Variants in GPC5 observed in about 807,000 individuals in gnomAD.
GPC5 encodes the protein glypican-5.
GPC5 carries 47 observed loss-of-function variants against 53.9 expected under a neutral mutation model. The ratio of observed to expected loss-of-function variants is 0.87; its 90% CI spans 0.69 to 1.11. GPC5 has a LOEUF of 1.11. Among genes scored for constraint, GPC5 ranks in the 50% most tolerant of loss-of-function variants. The pLI, the probability that GPC5 is intolerant of heterozygous loss-of-function variation, is 0.00. For missense variants in GPC5, 748 were observed against 713.1 expected (o/e 1.05, Z -0.56); for synonymous variants, 286 against 263.3 (o/e 1.09, Z -0.84).
intron 6 of GPC5, among the ~76,000 whole-genome samples, chr13:92,089,125 T>C (rs1344144528): frequency 1.3e-5 from 2 of 152,216 alleles, no homozygotes; most frequent in East Asian, 3.9e-4. Flanking sequence ...GCTATTGTTC[T>C]CAGTTTGGCA....
chr13:91,972,961 C>T (rs940197034), intron 6 of GPC5, among the ~76,000 whole-genome samples: 26 of 152,216 alleles, frequency 1.7e-4, no homozygotes, highest in East Asian at 3.9e-4. Context: ...TTGCTCTTCT[C>T]GAGGAGTATC....
intron 7 of GPC5, among the ~76,000 whole-genome samples, chr13:92,342,090 TCAC>T (rs1365740498): frequency 1.3e-5 from 2 of 152,136 alleles, no homozygotes; most frequent in African/African-American, 4.8e-5. Flanking sequence ...TTCCTCTACT[TCAC>T]CATCACCACA....
chr13:92,105,123 A>G (rs1267930248), intron 6 of GPC5, among the ~76,000 whole-genome samples: 4 of 152,028 alleles, frequency 2.6e-5, no homozygotes, highest in Non-Finnish European at 5.9e-5. Flanking sequence ...AGGAAAAAAA[A>G]TGATCATTAA....
chr13:92,309,067 A>T (rs912605188), intron 7 of GPC5, among the ~76,000 whole-genome samples: 1 of 152,150 alleles, frequency 6.6e-6, no homozygotes, highest in African/African-American at 2.4e-5. Flanking sequence ...GCACTTTTTT[A>T]AAAAATAAAA....
chr13:92,370,019 C>G (rs72638670), intron 7 of GPC5, among the ~76,000 whole-genome samples: 6,726 of 152,222 alleles, frequency 0.044, 235 homozygotes, highest in Middle Eastern at 0.088. Flanking sequence ...CCTTAAATTG[C>G]TCCTTCTCTG....
intron 1 of GPC5, among the ~76,000 whole-genome samples, chr13:91,447,377 C>G (rs1187888194): frequency 6.9e-6 from 1 of 145,980 alleles, no homozygotes; most frequent in African/African-American, 2.5e-5. Flanking sequence ...AGAATTTGCT[C>G]TTACGTAACT....
At chr13:92,406,884 G>T (rs896350976) in intron 7 of GPC5, among the ~76,000 whole-genome samples, 3 of 152,048 alleles carry the variant, frequency 2.0e-5, no homozygotes, top group Non-Finnish European at 4.4e-5. Context: ...AATATAGACA[G>T]CTTCTCAATT....
intron 6 of GPC5, among the ~76,000 whole-genome samples, chr13:92,132,565 C>T (rs2041752988): frequency 6.6e-6 from 1 of 152,084 alleles, no homozygotes; most frequent in Non-Finnish European, 1.5e-5. Flanking sequence ...TCCGCCCAGT[C>T]TCTGACTACA....
intron 5 of GPC5, among the ~76,000 whole-genome samples, chr13:91,815,238 T>A (rs1270729948): frequency 6.6e-6 from 1 of 151,920 alleles, no homozygotes; most frequent in Non-Finnish European, 1.5e-5. Flanking sequence ...ATAAATAAAT[T>A]AGCCAGGCCT....
chr13:92,519,667 G>A (rs1040362266), intron 7 of GPC5, among the ~76,000 whole-genome samples: 2 of 152,136 alleles, frequency 1.3e-5, no homozygotes, highest in African/African-American at 4.8e-5. Context: ...ATGCCCACAA[G>A]AGAAAGCAGG....
chr13:92,227,739 C>T (rs951662608), intron 7 of GPC5, among the ~76,000 whole-genome samples: 1 of 151,928 alleles, frequency 6.6e-6, no homozygotes, highest in Admixed American at 6.6e-5. Flanking sequence ...TCATGTATAA[C>T]TTAATTTTTT....
intron 5 of GPC5, among the ~76,000 whole-genome samples, chr13:91,821,901 C>T (rs2038501571): frequency 6.6e-6 from 1 of 152,086 alleles, no homozygotes; most frequent in Non-Finnish European, 1.5e-5. Context: ...AAAATTTGAA[C>T]TAAACAATCA....
At chr13:92,349,142 A>G (rs2043453251) in intron 7 of GPC5, among the ~76,000 whole-genome samples, 2 of 152,076 alleles carry the variant, frequency 1.3e-5, no homozygotes, top group Non-Finnish European at 1.5e-5. Flanking sequence ...AAAAATTTTA[A>G]TGTAATTTAA....
intron 2 of GPC5, among the ~76,000 whole-genome samples, chr13:91,455,477 G>C (rs1000859460): frequency 6.6e-6 from 1 of 152,052 alleles, no homozygotes; most frequent in African/African-American, 2.4e-5. Context: ...CACTTCACAT[G>C]CAGTTCTTTA....
intron 6 of GPC5, among the ~76,000 whole-genome samples, chr13:91,991,755 T>C (rs2040458495): frequency 6.6e-6 from 1 of 152,184 alleles, no homozygotes; most frequent in East Asian, 1.9e-4. Flanking sequence ...CTGGTTAGAA[T>C]TGGTTCATGA....
chr13:92,181,648 A>G (rs1487099263), intron 7 of GPC5, among the ~76,000 whole-genome samples: 2 of 152,224 alleles, frequency 1.3e-5, no homozygotes, highest in Admixed American at 1.3e-4. Flanking sequence ...CCTAAAAGCA[A>G]CTGAACAAAG....
At chr13:91,400,993 A>G (rs1480795834) in intron 1 of GPC5, among the ~76,000 whole-genome samples, 1 of 152,214 alleles carries the variant, frequency 6.6e-6, no homozygotes. Context: ...TTGTTTCCCC[A>G]TTGCTAGTAG....
At chr13:92,458,889 C>T (rs377675629) in intron 7 of GPC5, among the ~76,000 whole-genome samples, 4 of 152,110 alleles carry the variant, frequency 2.6e-5, no homozygotes, top group African/African-American at 9.7e-5. Context: ...TTTCTAAACA[C>T]CTTATGCAAC....
chr13:92,616,302 G>A (rs1176449745), intron 7 of GPC5, among the ~76,000 whole-genome samples: 1 of 152,098 alleles, frequency 6.6e-6, no homozygotes, highest in Non-Finnish European at 1.5e-5. Flanking sequence ...AACACAAAGA[G>A]AGTTTTCAAT....
Sources: gnomAD v4.1 joint callset for allele counts (sites outside exome capture counted in the v4.1 genomes callset) on GRCh38, gnomAD v4.1.1 for gene constraint, MANE v1.5 for transcripts, NCBI Gene and HGNC (gene_info 2026-07-23, HGNC 2026-07-21) for gene names.